Variants in LMNA observed in about 807,000 individuals in gnomAD.
The protein encoded by LMNA is lamin A/C.
In LMNA, 20 loss-of-function variants were observed where a neutral mutation model predicts 70.4. The ratio of observed to expected loss-of-function variants is 0.28; its 90% CI spans 0.20 to 0.41. The LOEUF (loss-of-function observed/expected upper bound fraction) is 0.41, where lower values mean the gene tolerates loss of function less well. LMNA is among the 10% of genes least tolerant of loss of function. LMNA has a pLI of 1.00. For missense variants in LMNA, 652 were observed against 917.2 expected (o/e 0.71, Z 3.73); for synonymous variants, 339 against 372.8 (o/e 0.91, Z 1.04).
Position 156,134,462 on chromosome 1 carries a change from G to T in LMNA, c.573G>T (p.Val191=). 1 of 1,614,188 alleles carries T rather than the reference G, an allele frequency of 6.2e-7. No homozygotes were observed. The highest frequency in any genetic ancestry group is 1.1e-5 in the South Asian group (1 of 91,084). ...TTCAGGATGAGATGCTGCGGCGGGT[G>T]GATGCTGAGAACAGGCTGCAGACCA... ...KQLQDEMLRR[V]DAENRLQTMK... The change falls in exon 3 of 12, where the codon GTG becomes GTT. Residue 191 remains valine (V), a synonymous_variant. Transcript: ENST00000368300. This position sits in a 1 kb window ranked among gnomAD's most constrained non-coding sequence, Gnocchi z 5.3.
In LMNA at chr1:156,137,885, C is replaced by T; in HGVS notation, c.1698+142C>T. The stretch of plus-strand genomic sequence containing the variant: ...AACTTTACTCGCTGGCCTGGCCTTT[C>T]TTCTCTCTCCTCCCTATACCTTGAA... On this transcript the variant is annotated intron_variant, in intron 10 of 11. Coordinates refer to ENST00000368300, the MANE Select transcript of LMNA (RefSeq NM_170707.4). This position sits in a 1 kb window ranked among gnomAD's most constrained non-coding sequence, Gnocchi z 4.6. 1 of 1,504,030 alleles carries T rather than the reference C, an allele frequency of 6.6e-7. No individual in the cohort carries two copies. Among genetic ancestry groups the T allele is most frequent in the Non-Finnish European group, 8.9e-7 (1 of 1,127,770 alleles). The allele number at this position is 1,504,030 out of a possible 1,614,324, so 93.2% of individuals were successfully genotyped here.
upstream of LMNA, chr1:156,114,635 G>T: frequency 9.3e-6 from 3 of 323,226 alleles, no homozygotes; most frequent in African/African-American, 2.3e-5. Context: ...ATCTGGGACT[G>T]CCCCTTTAAG....
chr1:156,111,373 T>G (rs1180492453), upstream of LMNA, among the ~76,000 whole-genome samples: 2 of 150,792 alleles, frequency 1.3e-5, no homozygotes, highest in African/African-American at 2.4e-5. Flanking sequence ...CGCTTGAACC[T>G]GGGAGGCAGA....
intron 3 of LMNA, among the ~76,000 whole-genome samples, chr1:156,102,143 G>T (rs925126862): frequency 2.6e-5 from 4 of 152,238 alleles, no homozygotes; most frequent in Non-Finnish European, 5.9e-5. Flanking sequence ...GGGCAGGCCG[G>T]CCTTGATGCT....
chr1:156,101,510 A>G (rs971947032), intron 3 of LMNA, among the ~76,000 whole-genome samples: 1 of 151,930 alleles, frequency 6.6e-6, no homozygotes, highest in African/African-American at 2.4e-5. Context: ...GAGAGAGGGA[A>G]GGAAGGAAGG....
In LMNA at chr1:156,135,027, C is replaced by A. The variant is rs1651426871; in HGVS notation, c.810+52C>A. On this transcript the variant is annotated intron_variant, in intron 4 of 11. Transcript: ENST00000368300. The surrounding 1 kb of genome is among the most constrained non-coding windows in gnomAD (Gnocchi z 4.8). ...CTGCCTCTGCCCTTGGCAGCCCTAC[C>A]CTTACCCACGCTGGGCTATGCCTTC... The A allele has an allele frequency of 6.2e-7, 1 of 1,612,628 alleles. No individual in the cohort carries two copies. The highest frequency in any genetic ancestry group is 8.5e-7 in the Non-Finnish European group (1 of 1,179,002).
At chr1:156,094,010 G>A (rs1489498870) in intron 3 of LMNA, among the ~76,000 whole-genome samples, 1 of 152,050 alleles carries the variant, frequency 6.6e-6, no homozygotes, top group African/African-American at 2.4e-5. Context: ...GCTACTGTCT[G>A]CATGAGGTTT....
chr1:156,119,664 G>GGCA (rs1197905819), intron 1 of LMNA, among the ~76,000 whole-genome samples: 1 of 152,222 alleles, frequency 6.6e-6, no homozygotes, highest in Non-Finnish European at 1.5e-5. Context: ...AAGCCTGTCT[G>GGCA]GAGTCCAGGC....
rs2102880401 is a variant in LMNA at position 156,134,798 on chromosome 1, C to T, written c.640-7C>T. ...TGGTTTCTGTGTCCTTCCTCCAACCCTTCCAGGAGCTGCGTGAGACCAAGC... is the reference window on the plus strand; with the variant it reads ...TGGTTTCTGTGTCCTTCCTCCAACCTTTCCAGGAGCTGCGTGAGACCAAGC... On this transcript the variant is annotated splice_region_variant and splice_polypyrimidine_tract_variant and intron_variant, in intron 3 of 11. Coordinates refer to ENST00000368300, the MANE Select transcript of LMNA (RefSeq NM_170707.4). This position sits in a 1 kb window ranked among gnomAD's most constrained non-coding sequence, Gnocchi z 5.3. 2 of 1,614,184 alleles carry T rather than the reference C, an allele frequency of 1.2e-6. No individual in the cohort carries two copies. The highest frequency in any genetic ancestry group is 1.1e-5 in the South Asian group (1 of 91,074).
At position 156,130,619 on chromosome 1, in the gene LMNA, A is replaced by G; in HGVS notation, c.359A>G (p.Asn120Ser). 4 of 1,613,920 alleles carry G rather than the reference A, an allele frequency of 2.5e-6. No individual in the cohort carries two copies. The highest frequency in any genetic ancestry group is 3.4e-6 in the Non-Finnish European group (4 of 1,179,966). Residue 120 changes from asparagine (N) to serine (S), a missense_variant and splice_region_variant, in exon 2 of 12, where the codon AAT (asparagine) becomes AGT (serine). By Grantham distance (46) the Asn-to-Ser change is conservative. This residue lies in a region of LMNA where 254 missense variants were observed against 421.9 expected (regional missense o/e 0.60). Coordinates refer to ENST00000368300, the MANE Select transcript of LMNA (RefSeq NM_170707.4). The part of the protein sequence containing the change: ...REEFKELKAR[N>S]TKKEGDLIAA... ...CTACTCTCCCCTCTCTTCTTTAGCA[A>G]TACCAAGAAGGAGGGTGACCTGATA...
chr1:156,135,379 AGGGTTGGGGGTGG>A lies in LMNA; in HGVS notation c.936+72_936+84del. On this transcript the variant is annotated intron_variant, in intron 5 of 11. Coordinates refer to ENST00000368300, the MANE Select transcript of LMNA (RefSeq NM_170707.4). The surrounding 1 kb of genome is among the most constrained non-coding windows in gnomAD (Gnocchi z 4.8). ...TGGGCCGGATGCAGGCTGGAAGCCC[AGGGTTGGGGGTGG>A]GGGTGGGGGTGGGAGGTTCCTGAGG... The A allele has an allele frequency of 1.5e-6, 1 of 661,656 alleles. No individual in the cohort carries two copies. 41.0% of individuals were successfully genotyped at this position (661,656 alleles called of 1,614,324 possible).
chr1:156,137,452 C>T lies in LMNA; in HGVS notation c.1609-202C>T. 1.3e-6 allele frequency: 1 copy of T among 772,114 alleles called. No individual in the cohort carries two copies. Among genetic ancestry groups the T allele is most frequent in the Non-Finnish European group, 2.2e-6 (1 of 461,630 alleles). 47.8% of individuals were successfully genotyped at this position (772,114 alleles called of 1,614,324 possible). On this transcript the variant is annotated intron_variant, in intron 9 of 11. Coordinates refer to ENST00000368300, the MANE Select transcript of LMNA (RefSeq NM_170707.4). This position sits in a 1 kb window ranked among gnomAD's most constrained non-coding sequence, Gnocchi z 4.6. Reference sequence around the variant, plus strand: ...CAGTGAGGATTGTTAAAGGCAGAGCCATACTCCTACCCGGAGAGCTTGACA... The same window carrying T: ...CAGTGAGGATTGTTAAAGGCAGAGCTATACTCCTACCCGGAGAGCTTGACA...
intron 2 of LMNA, among the ~76,000 whole-genome samples, chr1:156,133,715 C>T (rs1282400635): frequency 6.6e-6 from 1 of 152,102 alleles, no homozygotes; most frequent in South Asian, 2.1e-4. Context: ...CCCATCCCTT[C>T]CCACCCCGTA....
rs201227908 is a variant in LMNA at position 156,134,868 on chromosome 1, C to G, written c.703C>G (p.Arg235Gly). 1 of 1,614,196 alleles carries G rather than the reference C, an allele frequency of 6.2e-7. No individual in the cohort carries two copies. The highest frequency in any genetic ancestry group is 2.2e-5 in the East Asian group (1 of 44,886). The part of the protein sequence containing the change: ...RLVEIDNGKQ[R>G]EFESRLADAL... ...GGTGGAGATTGACAATGGGAAGCAG[C>G]GTGAGTTTGAGAGCCGGCTGGCGGA... The change falls in exon 4 of 12, where the codon CGT (arginine) becomes GGT (glycine). Residue 235 changes from arginine to glycine, a missense_variant. By Grantham distance (125) the Arg-to-Gly change is moderately radical (BLOSUM62 -2). Transcript: ENST00000368300. The surrounding 1 kb of genome is among the most constrained non-coding windows in gnomAD (Gnocchi z 5.3).
rs386134243 is a variant in LMNA, at chr1:156,135,967, C to A, written c.1003C>A (p.Arg335=). The A allele has an allele frequency of 6.2e-7, 1 of 1,614,038 alleles. No homozygotes were observed. Among genetic ancestry groups the A allele is most frequent in the Non-Finnish European group, 8.5e-7 (1 of 1,180,022 alleles). ...DSLARERDTS[R]RLLAEKEREM... Reference sequence around the variant, plus strand: ...ACTGGCCCGTGAGCGGGACACCAGCCGGCGGCTGCTGGCGGAAAAGGAGCG... The same window carrying A: ...ACTGGCCCGTGAGCGGGACACCAGCAGGCGGCTGCTGGCGGAAAAGGAGCG... Residue 335 remains arginine, a synonymous_variant, in exon 6 of 12, where the codon CGG becomes AGG. Coordinates refer to ENST00000368300, the MANE Select transcript of LMNA (RefSeq NM_170707.4). The surrounding 1 kb of genome is among the most constrained non-coding windows in gnomAD (Gnocchi z 4.8).
At chr1:156,128,749 A>C (rs1424933904) in intron 1 of LMNA, among the ~76,000 whole-genome samples, 1 of 152,162 alleles carries the variant, frequency 6.6e-6, no homozygotes, top group Non-Finnish European at 1.5e-5. Context: ...TATAAAAGGG[A>C]GAGGGTTGAG....
chr1:156,117,389 C>T (rs916059269), intron 1 of LMNA, among the ~76,000 whole-genome samples: 1 of 151,014 alleles, frequency 6.6e-6, no homozygotes, highest in Admixed American at 6.6e-5. Context: ...TGCCTGCCAC[C>T]ACGCCCGGCT....
Position 156,133,311 on chromosome 1 carries a change from G to A in LMNA, c.514-1092G>A, listed in dbSNP as rs992759729. Among the ~76,000 whole-genome samples the A allele has an allele frequency of 7.2e-5, 11 of 152,038 alleles. No homozygotes were observed. The South Asian group carries it at 8.3e-4, about 11-fold the overall frequency. ...CATACGGCTGGGTGTGGTGGCTCAC[G>A]CCTGTAATCCCAGCATTTTGGGAGG... On this transcript the variant is annotated intron_variant, in intron 2 of 11. Transcript: ENST00000368300.
At chr1:156,126,788 C>A in intron 1 of LMNA, 2 of 1,604,278 alleles carry the variant, frequency 1.2e-6, no homozygotes, top group Non-Finnish European at 1.7e-6. Flanking sequence ...CTTCTCGCCT[C>A]AAGAGGCCAC....
Sources: allele counts gnomAD v4.1 joint callset (sites outside exome capture counted in the v4.1 genomes callset), GRCh38; gene constraint gnomAD v4.1.1; regional missense constraint gnomAD v4.1.1; non-coding constraint Gnocchi (gnomAD v3.1); transcripts MANE v1.5; gene names NCBI Gene and HGNC (gene_info 2026-07-23, HGNC 2026-07-21).